The following KCNQ5 variants were observed in gnomAD, a reference collection of about 807,000 sequenced individuals.
The protein encoded by KCNQ5 is potassium voltage-gated channel subfamily KQT member 5.
KCNQ5 carries 30 observed loss-of-function variants against 98.2 expected under a neutral mutation model. That is an observed-to-expected ratio of 0.31 (90% CI 0.23 to 0.41). The LOEUF (loss-of-function observed/expected upper bound fraction) is 0.41. Ranked by LOEUF, KCNQ5 falls within the 10% of genes least tolerant of loss-of-function variation. The probability of loss-of-function intolerance (pLI) is 1.00; values close to 1 mark genes in which losing one functional copy is unlikely to be tolerated. For synonymous variants in KCNQ5, 458 were observed against 449.4 expected (o/e 1.02, Z -0.24); for missense variants, 835 against 1,182.5 (o/e 0.71, Z 4.31).
Position 73,169,840 on chromosome 6 carries a change from C to T in KCNQ5, c.1563C>T (p.Val521=). The T allele has an allele frequency of 6.2e-7, 1 of 1,607,772 alleles. No individual in the cohort carries two copies. The highest frequency in any genetic ancestry group is 8.5e-7 in the Non-Finnish European group (1 of 1,174,162). ...ACCTCACCCCACCACTTAAAACTGT[C>T]ATTCGAGCTATCAGGTTGGTGAAAA... ...VEDLTPPLKT[V]IRAIRIMKFH... Residue 521 remains valine, a synonymous_variant, in exon 11 of 14, where the codon GTC becomes GTT. Coordinates refer to ENST00000370398, the MANE Select transcript of KCNQ5 (RefSeq NM_019842.4).
At chr6:73,183,548 A>T (rs1778472499) in intron 11 of KCNQ5, among the ~76,000 whole-genome samples, 1 of 152,184 alleles carries the variant, frequency 6.6e-6, no homozygotes, top group Non-Finnish European at 1.5e-5. Context: ...AGTTCATTGC[A>T]TCATAGAGAC....
In KCNQ5 at chr6:72,747,852, C is replaced by A. The variant is rs1771482945; in HGVS notation, c.398+125265C>A. On this transcript the variant is annotated intron_variant, in intron 1 of 13. Transcript: ENST00000370398. Reference sequence around the variant, plus strand: ...CAACAGGGTTGTTAAATTGGTAAAGCAAGATCCTACTAGGTTTATAAATAA... The same window carrying A: ...CAACAGGGTTGTTAAATTGGTAAAGAAAGATCCTACTAGGTTTATAAATAA... Among the ~76,000 whole-genome samples the A allele has an allele frequency of 2.0e-5, 3 of 152,080 alleles. No homozygotes were observed. In the South Asian group the frequency reaches 6.2e-4, roughly 32 times the overall value.
At chr6:73,088,153 C>T (rs1223108105) in intron 5 of KCNQ5, among the ~76,000 whole-genome samples, 1 of 151,636 alleles carries the variant, frequency 6.6e-6, no homozygotes, top group Non-Finnish European at 1.5e-5. Context: ...TCCTGAGTAG[C>T]TGGGATTACA....
At chr6:73,153,542 A>G (rs925491374) in intron 10 of KCNQ5, among the ~76,000 whole-genome samples, 1 of 152,210 alleles carries the variant, frequency 6.6e-6, no homozygotes, top group Non-Finnish European at 1.5e-5. Context: ...AGTCCAGGCC[A>G]ACAAAAAGTA....
chr6:72,790,321 A>G (rs988065149), intron 1 of KCNQ5, among the ~76,000 whole-genome samples: 2 of 152,238 alleles, frequency 1.3e-5, no homozygotes, highest in African/African-American at 2.4e-5. Flanking sequence ...CTAGAATGCA[A>G]TGAAGATGAA....
At chr6:73,184,139 A>G (rs1014057325) in intron 11 of KCNQ5, among the ~76,000 whole-genome samples, 2 of 152,190 alleles carry the variant, frequency 1.3e-5, no homozygotes, top group Non-Finnish European at 2.9e-5. Flanking sequence ...TTGTAGTATT[A>G]CATATTTCTT....
At chr6:72,751,911 T>C (rs1053817207) in intron 1 of KCNQ5, among the ~76,000 whole-genome samples, 2 of 152,170 alleles carry the variant, frequency 1.3e-5, no homozygotes, top group African/African-American at 4.8e-5. Flanking sequence ...GATAGGAAAG[T>C]GATGCTCAAG....
At chr6:72,951,799 G>T (rs1766821491) in intron 1 of KCNQ5, among the ~76,000 whole-genome samples, 1 of 152,116 alleles carries the variant, frequency 6.6e-6, no homozygotes, top group Non-Finnish European at 1.5e-5. Context: ...TAGAACAAGG[G>T]CAAAGTTTAA....
intron 1 of KCNQ5, among the ~76,000 whole-genome samples, chr6:72,942,727 A>G (rs770522782): frequency 6.6e-5 from 10 of 152,178 alleles, no homozygotes; most frequent in African/African-American, 1.2e-4. Context: ...CTACGGTGAT[A>G]TGGAATGACT....
At chr6:72,703,471 G>A (rs561991772) in intron 1 of KCNQ5, among the ~76,000 whole-genome samples, 17 of 152,248 alleles carry the variant, frequency 1.1e-4, no homozygotes, top group African/African-American at 3.1e-4. Context: ...CTCCAGTAGT[G>A]TTAATTTCTG....
intron 3 of KCNQ5, chr6:73,055,045 A>G (rs1046088298): frequency 3.4e-6 from 2 of 585,692 alleles, no homozygotes; most frequent in Non-Finnish European, 6.4e-6. Context: ...GTGCACCAAC[A>G]ACATCCAAGC....
intron 1 of KCNQ5, chr6:72,987,435 G>A (rs1467560615): frequency 1.5e-6 from 1 of 687,388 alleles, no homozygotes; most frequent in East Asian, 3.1e-5. Flanking sequence ...TGGCCAGTGG[G>A]ATACTGCTGG....
chr6:72,709,224 T>C (rs1582149221), intron 1 of KCNQ5, among the ~76,000 whole-genome samples: 2 of 152,176 alleles, frequency 1.3e-5, no homozygotes, highest in East Asian at 3.9e-4. Flanking sequence ...TAATACTTGG[T>C]TTGAACTAGA....
At chr6:72,706,989 G>T (rs1054213463) in intron 1 of KCNQ5, among the ~76,000 whole-genome samples, 4 of 151,970 alleles carry the variant, frequency 2.6e-5, no homozygotes, top group Non-Finnish European at 2.9e-5. Context: ...TATCTTAACT[G>T]TTTCTTGGTT....
intron 1 of KCNQ5, among the ~76,000 whole-genome samples, chr6:72,858,812 G>A (rs1935524): frequency 0.99 from 150,787 of 152,170 alleles, 74,723 homozygotes; most frequent in East Asian, 1. Flanking sequence ...ATAAAATTAT[G>A]CACACACATT....
At chr6:73,133,843 G>A (rs184181511) in intron 10 of KCNQ5, 1 of 709,806 alleles carries the variant, frequency 1.4e-6, no homozygotes, top group East Asian at 2.8e-5. Flanking sequence ...AAACCACTTT[G>A]GCAGCTAAAT....
chr6:72,772,888 T>C (rs1772968655), intron 1 of KCNQ5, among the ~76,000 whole-genome samples: 1 of 152,180 alleles, frequency 6.6e-6, no homozygotes, highest in African/African-American at 2.4e-5. Context: ...ATTGAAAGGA[T>C]AATGTCTGCA....
At chr6:72,865,867 G>A (rs529163129) in intron 1 of KCNQ5, among the ~76,000 whole-genome samples, 16 of 152,112 alleles carry the variant, frequency 1.1e-4, no homozygotes, top group Non-Finnish European at 1.9e-4. Flanking sequence ...GTGGAGCAGC[G>A]CTTTTCTGCA....
chr6:73,177,247 A>G (rs1321498997), intron 11 of KCNQ5, among the ~76,000 whole-genome samples: 1 of 152,210 alleles, frequency 6.6e-6, no homozygotes, highest in Non-Finnish European at 1.5e-5. Context: ...TAAATAGAAC[A>G]CTTTTTTAAA....
Sources: allele counts gnomAD v4.1 joint callset (sites outside exome capture counted in the v4.1 genomes callset), GRCh38; gene constraint gnomAD v4.1.1; transcripts MANE v1.5; gene names NCBI Gene and HGNC (gene_info 2026-07-23, HGNC 2026-07-21).